SEC14L1: variants seen among roughly 807,000 people sequenced by gnomAD.
SEC14L1 encodes the protein SEC14 like lipid binding 1, also known as SEC14-like protein 1.
SEC14L1 carries 48 observed loss-of-function variants against 85.3 expected under a neutral mutation model. The observed-to-expected ratio is 0.56, with a 90% CI of 0.45 to 0.72. SEC14L1 has a LOEUF of 0.72. Among genes scored for constraint, SEC14L1 ranks in the 30% least tolerant of loss-of-function variants. SEC14L1 has a pLI of 0.00. For synonymous variants in SEC14L1, 391 were observed against 355.5 expected, an observed-to-expected ratio of 1.10 and a Z score of -1.12; for missense variants, 682 against 921.4, an observed-to-expected ratio of 0.74 and a Z score of 3.36.
chr17:77,193,015 T>G (rs1026684799), intron 5 of SEC14L1, among the ~76,000 whole-genome samples: 13 of 152,220 alleles, frequency 8.5e-5, no homozygotes, highest in Non-Finnish European at 1.8e-4. Context: ...TCCATAGCAC[T>G]TACTTATCTT....
chr17:77,143,948 G>T lies in SEC14L1; in HGVS notation c.63+289G>T, dbSNP rs148439130. On this transcript the variant is annotated intron_variant, in intron 3 of 16. Coordinates refer to ENST00000436233, the MANE Select transcript of SEC14L1 (RefSeq NM_001143998.2). Reference sequence around the variant, plus strand: ...GGATTCTAAGCACTTCTTCCTCGGGGTTGTGCTCTTTTTTTCCTTCGTTAG... The same window carrying T: ...GGATTCTAAGCACTTCTTCCTCGGGTTTGTGCTCTTTTTTTCCTTCGTTAG... 214 of 287,822 alleles carry T rather than the reference G, an allele frequency of 7.4e-4. 1 individual carries two copies. In the East Asian group the frequency reaches 0.013, roughly 17 times the overall value. 17.8% of individuals were successfully genotyped at this position (287,822 alleles called of 1,614,324 possible).
At chr17:77,123,978 T>C (rs757667935) in intron 3 of SEC14L1, among the ~76,000 whole-genome samples, 3 of 152,252 alleles carry the variant, frequency 2.0e-5, no homozygotes, top group Non-Finnish European at 4.4e-5. Context: ...TTCGAAGCCC[T>C]GTTGAGGACT....
At chr17:77,120,921 A>G (rs1393621361) in intron 3 of SEC14L1, among the ~76,000 whole-genome samples, 1 of 152,208 alleles carries the variant, frequency 6.6e-6, no homozygotes, top group African/African-American at 2.4e-5. Context: ...GGTGAGAGAG[A>G]GGCAGGGAAC....
rs1175705094 is a variant in SEC14L1 at position 77,214,806 on chromosome 17, C to T, written c.*783C>T. The T allele has an allele frequency of 1.3e-5, 13 of 985,372 alleles. No individual in the cohort carries two copies. The highest frequency in any genetic ancestry group is 5.2e-5 in the African/African-American group (3 of 57,184). 61.0% of individuals were successfully genotyped at this position (985,372 alleles called of 1,614,324 possible). ...GTTCTTCCCGTTTCCTTCCGTGCGTCGCCCCTCTCACCTGCAGTCAGCTCC... is the reference window on the plus strand; with the variant it reads ...GTTCTTCCCGTTTCCTTCCGTGCGTTGCCCCTCTCACCTGCAGTCAGCTCC... On this transcript the variant is annotated 3_prime_UTR_variant, in exon 17 of 17. Coordinates refer to ENST00000436233, the MANE Select transcript of SEC14L1 (RefSeq NM_001143998.2).
At chr17:77,200,395 C>A in intron 8 of SEC14L1, 89 bp from the exon 9 acceptor site, 1 of 1,026,174 alleles carries the variant, frequency 9.7e-7, no homozygotes, top group Non-Finnish European at 1.4e-6. Flanking sequence ...TCTTGAACTC[C>A]TGAGCTCAAG....
intron 3 of SEC14L1, among the ~76,000 whole-genome samples, chr17:77,180,595 C>T (rs1221508226): frequency 3.3e-5 from 5 of 152,098 alleles, no homozygotes; most frequent in East Asian, 1.9e-4. Context: ...TGACTTGATG[C>T]GTTTATCTCA....
intron 3 of SEC14L1, among the ~76,000 whole-genome samples, chr17:77,118,009 C>T (rs1972216747): frequency 6.6e-6 from 1 of 152,242 alleles, no homozygotes; most frequent in Non-Finnish European, 1.5e-5. Context: ...AAAGCTTCAT[C>T]TAATCTCAGT....
chr17:77,191,285 C>T lies in SEC14L1; in HGVS notation c.318C>T (p.Val106=). The change falls in exon 5 of 17, where the codon GTC becomes GTT. Residue 106 remains valine (V), a synonymous_variant. Coordinates refer to ENST00000436233, the MANE Select transcript of SEC14L1 (RefSeq NM_001143998.2). ...ATAATGAAACGTTTTCCAATCGGGT[C>T]ATCATTAATGAGCATTGCTGCTACA... ...EAYNETFSNR[V]IINEHCCYTV... is the part of the protein sequence containing the mutation. 6.2e-7 allele frequency: 1 copy of T among 1,614,082 alleles called. No homozygotes were observed. The highest frequency in any genetic ancestry group is 2.2e-5 in the East Asian group (1 of 44,890).
upstream of SEC14L1, among the ~76,000 whole-genome samples, chr17:77,136,333 CTCCCTTCCT>C (rs1221983394): frequency 7.1e-6 from 1 of 139,936 alleles, no homozygotes; most frequent in African/African-American, 2.6e-5. Context: ...CTCCCCTTCC[CTCCCTTCCT>C]TCCTTTCTCT....
intron 3 of SEC14L1, among the ~76,000 whole-genome samples, chr17:77,095,842 G>T (rs472359): frequency 0.9 from 136,760 of 151,842 alleles, 61,795 homozygotes; most frequent in African/African-American, 0.97. Flanking sequence ...ACTAATTACT[G>T]AAATAAATAA....
At chr17:77,202,912 C>A (rs1383847561) in intron 9 of SEC14L1, among the ~76,000 whole-genome samples, 1 of 146,280 alleles carries the variant, frequency 6.8e-6, no homozygotes, top group African/African-American at 2.5e-5. Flanking sequence ...GGGAGAGACT[C>A]TCTCTCTAAA....
At chr17:77,097,101 A>G (rs970611314) in intron 3 of SEC14L1, among the ~76,000 whole-genome samples, 27 of 152,226 alleles carry the variant, frequency 1.8e-4, no homozygotes, top group Non-Finnish European at 8.8e-5. Flanking sequence ...GAACATCGGG[A>G]AAGATTTTCT....
intron 3 of SEC14L1, among the ~76,000 whole-genome samples, chr17:77,183,987 T>C (rs1278969499): frequency 6.6e-6 from 1 of 152,214 alleles, no homozygotes; most frequent in African/African-American, 2.4e-5. Context: ...AGTTTCACCA[T>C]GTTGGCCAGG....
In SEC14L1 at chr17:77,214,638, G is replaced by A; in HGVS notation, c.*615G>A. On this transcript the variant is annotated 3_prime_UTR_variant, in exon 17 of 17. Coordinates refer to ENST00000436233, the MANE Select transcript of SEC14L1 (RefSeq NM_001143998.2). ...CCCACTGTCCTGCAGTGGGGCCGGG[G>A]GCTCAGGAGGGGCTCTCAGGGACTC... 1 of 985,822 alleles carries A rather than the reference G, an allele frequency of 1.0e-6. No homozygotes were observed. Among genetic ancestry groups the A allele is most frequent in the South Asian group, 4.7e-5 (1 of 21,306 alleles). The allele number at this position is 985,822 out of a possible 1,614,324, so 61.1% of individuals were successfully genotyped here. A position where few individuals can be genotyped will look rare whatever the true frequency, so the allele number is the denominator to read the frequency against.
chr17:77,179,724 G>T (rs1974925932), intron 3 of SEC14L1, among the ~76,000 whole-genome samples: 1 of 152,028 alleles, frequency 6.6e-6, no homozygotes, highest in Non-Finnish European at 1.5e-5. Context: ...GCCCAGGCTG[G>T]AGTGCAGTGG....
chr17:77,098,119 G>T (rs1484177563), intron 3 of SEC14L1, among the ~76,000 whole-genome samples: 2 of 152,174 alleles, frequency 1.3e-5, no homozygotes, highest in Non-Finnish European at 2.9e-5. Context: ...CCTTTTCTCT[G>T]AATAGTGTCC....
chr17:77,195,610 C>T, intron 7 of SEC14L1, among the ~76,000 whole-genome samples: 1 of 152,182 alleles, frequency 6.6e-6, no homozygotes, highest in East Asian at 1.9e-4. Flanking sequence ...GCCTAAGCCT[C>T]TTGAGTAGCT....
Position 77,212,141 on chromosome 17 carries a change from G to A in SEC14L1, c.1803G>A (p.Leu601=), listed in dbSNP as rs985955787. ...NVQLIDKVWQ[L]GRDYSMVESP... is the part of the protein sequence containing the mutation. ...AGCTCATAGACAAAGTCTGGCAGCT[G>A]GGCCGCGACTACAGCATGGTGGAGT... is the stretch of plus-strand genomic sequence containing the variant. Residue 601 remains leucine (L), a synonymous_variant, in exon 15 of 17, where the codon CTG becomes CTA. Transcript: ENST00000436233. 15 of 1,614,116 alleles carry A rather than the reference G, an allele frequency of 9.3e-6. No homozygotes were observed. Among genetic ancestry groups the A allele is most frequent in the Non-Finnish European group, 1.3e-5 (15 of 1,180,042 alleles).
rs933917895 is a variant in SEC14L1, at chr17:77,214,501, G to A, written c.*478G>A. ...CCGCCTCACGGCCCCCATGCTTCCC[G>A]CCAGTCAAGATGGTCTGTGGACTTA... On this transcript the variant is annotated 3_prime_UTR_variant, in exon 17 of 17. Transcript: ENST00000436233. The A allele has an allele frequency of 3.9e-5, 39 of 1,000,560 alleles. No homozygotes were observed. The highest frequency in any genetic ancestry group is 8.5e-5 in the South Asian group (2 of 23,610). 62.0% of individuals were successfully genotyped at this position (1,000,560 alleles called of 1,614,324 possible). A position where few individuals can be genotyped will look rare whatever the true frequency, so the allele number is the denominator to read the frequency against.
Sources: allele counts gnomAD v4.1 joint callset (sites outside exome capture counted in the v4.1 genomes callset), GRCh38; gene constraint gnomAD v4.1.1; transcripts MANE v1.5; gene names NCBI Gene and HGNC (gene_info 2026-07-23, HGNC 2026-07-21).